Variants in WDR59 observed in about 807,000 individuals in gnomAD.
WDR59 encodes GATOR2 complex protein WDR59.
Under a neutral mutation model 131.2 loss-of-function variants are expected in WDR59, and 100 were observed. The observed-to-expected ratio is 0.76, with a 90% CI of 0.65 to 0.90. The LOEUF is 0.90. WDR59 is among the 40% of genes least tolerant of loss of function. The pLI, the probability that WDR59 is intolerant of heterozygous loss-of-function variation, is 0.00. For missense variants in WDR59, 1,203 were observed against 1,262.2 expected (o/e 0.95, Z 0.71); for synonymous variants, 601 against 466.2 (o/e 1.29, Z -3.72).
chr16:74,886,457 A>G, intron 23 of WDR59, 61 bp from the exon 24 acceptor site: 1 of 1,592,088 alleles, frequency 6.3e-7, no homozygotes, highest in South Asian at 1.1e-5. Flanking sequence ...AAATATCTGA[A>G]GAGTCTCATA....
At chr16:74,900,642 T>C (rs111850961) in intron 18 of WDR59, among the ~76,000 whole-genome samples, 1,583 of 152,326 alleles carry the variant, frequency 0.01, 29 homozygotes, top group African/African-American at 0.036. Flanking sequence ...AGCAATTTGA[T>C]GGCTTTTGAG....
At chr16:74,876,640 T>C (rs1964228060) in intron 25 of WDR59, among the ~76,000 whole-genome samples, 2 of 152,212 alleles carry the variant, frequency 1.3e-5, no homozygotes, top group Non-Finnish European at 2.9e-5. Flanking sequence ...ATTTCGTTAA[T>C]TAGCGAATGA....
At position 74,872,375 on chromosome 16, in the gene WDR59, C is replaced by G. The variant is rs981293462; in HGVS notation, c.*1834G>C. ...AATAAAAAAGATTTCTTTTCACTGG[C>G]ACATACAAAATGTGAAGTTGAAAAT... On this transcript the variant is annotated 3_prime_UTR_variant, in exon 26 of 26. Coordinates refer to ENST00000262144, the MANE Select transcript of WDR59 (RefSeq NM_030581.4). The G allele has an allele frequency of 1.3e-5, 2 of 152,038 alleles. No individual in the cohort carries two copies. Among genetic ancestry groups the G allele is most frequent in the African/African-American group, 4.8e-5 (2 of 41,416 alleles). 9.4% of individuals were successfully genotyped at this position (152,038 alleles called of 1,614,324 possible). A position where few individuals can be genotyped will look rare whatever the true frequency, so the allele number is the denominator to read the frequency against.
At chr16:74,978,191 T>C (rs2034264278) in intron 1 of WDR59, among the ~76,000 whole-genome samples, 1 of 152,020 alleles carries the variant, frequency 6.6e-6, no homozygotes, top group South Asian at 2.1e-4. Context: ...GGCGTGGTGA[T>C]GGGCTCCTGT....
At chr16:74,918,929 G>A (rs531175620) in intron 10 of WDR59, among the ~76,000 whole-genome samples, 17 of 152,266 alleles carry the variant, frequency 1.1e-4, no homozygotes, top group Admixed American at 5.9e-4. Flanking sequence ...ACTAGGCACA[G>A]CCAGCCAGAC....
Position 74,938,322 on chromosome 16 carries a change from A to G in WDR59, c.535-56T>C. ...TTTAGAAAGAACTCTTTGAGTGTCT[A>G]TCACGTAAAAGTCTGCTAGGTAGTG... On this transcript the variant is annotated intron_variant, in intron 7 of 25. Transcript: ENST00000262144. 5.5e-6 allele frequency: 7 copies of G among 1,264,872 alleles called. No homozygotes were observed. The South Asian group carries it at 1.1e-4, about 20-fold the overall frequency. The allele number at this position is 1,264,872 out of a possible 1,614,324, so 78.4% of individuals were successfully genotyped here.
At position 74,889,229 on chromosome 16, in the gene WDR59, T is replaced by C. The variant is rs144785363; in HGVS notation, c.2195+474A>G. On this transcript the variant is annotated intron_variant, in intron 21 of 25. Transcript: ENST00000262144. ...TTAAATTATTTTGTATAGTATACCC[T>C]AGTTTTCCATATGTCAGTGCAATAA... is the stretch of plus-strand genomic sequence containing the variant. Among the ~76,000 whole-genome samples the C allele has an allele frequency of 2.2e-3, 333 of 152,350 alleles. 3 individuals carry two copies. The highest frequency in any genetic ancestry group is 7.5e-3 in the African/African-American group (312 of 41,586).
intron 14 of WDR59, among the ~76,000 whole-genome samples, chr16:74,910,191 C>T (rs1215763962): frequency 6.6e-6 from 1 of 152,086 alleles, no homozygotes; most frequent in Admixed American, 6.6e-5. Context: ...TGGTCTCGAA[C>T]TCCTGACCTC....
At chr16:74,958,342 C>T (rs1333678052) in intron 2 of WDR59, among the ~76,000 whole-genome samples, 1 of 151,860 alleles carries the variant, frequency 6.6e-6, no homozygotes, top group Non-Finnish European at 1.5e-5. Flanking sequence ...CTATTCCCAG[C>T]ACTTTGTGAG....
At chr16:74,903,229 T>C (rs1251168107) in intron 18 of WDR59, among the ~76,000 whole-genome samples, 3 of 152,190 alleles carry the variant, frequency 2.0e-5, no homozygotes, top group Non-Finnish European at 4.4e-5. Flanking sequence ...AAGGACTGAG[T>C]TTGTGCAGTG....
rs555028270 is a variant in WDR59, at chr16:74,983,578, G to A, written c.54+1386C>T. On this transcript the variant is annotated intron_variant, in intron 1 of 25. Transcript: ENST00000262144. ...TGACCGGTTCAGAGCTACCCACTATGAGTAAAGTAGTCCAATGAGCTAAAC... is the reference window on the plus strand; with the variant it reads ...TGACCGGTTCAGAGCTACCCACTATAAGTAAAGTAGTCCAATGAGCTAAAC... Among the ~76,000 whole-genome samples the A allele has an allele frequency of 8.5e-5, 13 of 152,270 alleles. No individual in the cohort carries two copies. The South Asian group carries it at 2.5e-3, about 29-fold the overall frequency.
At chr16:74,981,676 G>T (rs1186736449) in intron 1 of WDR59, among the ~76,000 whole-genome samples, 86 of 46,032 alleles carry the variant, frequency 1.9e-3, no homozygotes, top group African/African-American at 2.3e-3. Flanking sequence ...TTTTTTTTTA[G>T]ATGGAGTCTC....
intron 6 of WDR59, among the ~76,000 whole-genome samples, chr16:74,944,556 C>T (rs892968832): frequency 1.3e-5 from 2 of 151,600 alleles, no homozygotes; most frequent in Non-Finnish European, 2.9e-5. Flanking sequence ...GGAATACTCA[C>T]AACGTGACTC....
intron 18 of WDR59, among the ~76,000 whole-genome samples, chr16:74,897,364 TAA>T (rs1000845359): frequency 2.0e-5 from 3 of 152,202 alleles, no homozygotes; most frequent in African/African-American, 7.2e-5. Flanking sequence ...AGAAGAAAAC[TAA>T]GAGTCTAAAG....
chr16:74,971,034 G>A lies in WDR59; in HGVS notation c.55-5212C>T, dbSNP rs1020677878. 2.6e-5 allele frequency among the ~76,000 whole-genome samples: 4 copies of A among 151,672 alleles called. No individual in the cohort carries two copies. In the Admixed American group the frequency reaches 2.6e-4, roughly 10 times the overall value. ...ACTACACTCCTGGCTAAACGACAAA[G>A]CAAGACCCTGTCTAAAAAAAAAGCC... On this transcript the variant is annotated intron_variant, in intron 1 of 25. Transcript: ENST00000262144.
intron 9 of WDR59, 44 bp downstream of exon 9, chr16:74,923,882 C>G: frequency 6.4e-7 from 1 of 1,550,526 alleles, no homozygotes; most frequent in Non-Finnish European, 8.8e-7. Flanking sequence ...TTTTGGAACA[C>G]CCAAAAAGAA....
At chr16:74,964,803 C>T (rs1437539570) in intron 2 of WDR59, among the ~76,000 whole-genome samples, 2 of 152,098 alleles carry the variant, frequency 1.3e-5, no homozygotes, top group Non-Finnish European at 2.9e-5. Context: ...GTTATCCCAG[C>T]ACTTTAGGAG....
chr16:74,949,747 C>T lies in WDR59; in HGVS notation c.378G>A (p.Val126=), dbSNP rs774175952. ...TATCCCAAATGTAGATGTAGGTGTC[C>T]ACAGAGCTGGTAACCAGGAGGTCAG... is the stretch of plus-strand genomic sequence containing the variant. The part of the protein sequence containing the change: ...FEPDLLVTSS[V]DTYIYIWDIK... Residue 126 remains valine (V), a synonymous_variant, in exon 5 of 26, where the codon GTG becomes GTA. Transcript: ENST00000262144. 25 of 1,613,912 alleles carry T rather than the reference C, an allele frequency of 1.5e-5. No individual in the cohort carries two copies. The highest frequency in any genetic ancestry group is 2.1e-5 in the Non-Finnish European group (25 of 1,179,906).
intron 18 of WDR59, among the ~76,000 whole-genome samples, chr16:74,898,722 C>T (rs1163080065): frequency 6.6e-6 from 1 of 152,240 alleles, no homozygotes; most frequent in East Asian, 1.9e-4. Flanking sequence ...CCAACTGCTT[C>T]GCAGAAACCC....
Sources: gnomAD v4.1 joint callset for allele counts (sites outside exome capture counted in the v4.1 genomes callset) on GRCh38, gnomAD v4.1.1 for gene constraint, MANE v1.5 for transcripts, NCBI Gene and HGNC (gene_info 2026-07-23, HGNC 2026-07-21) for gene names.